LETMD1: variants seen among roughly 807,000 people sequenced by gnomAD.
LETMD1 encodes LETM1 domain containing 1, also known as LETM1 domain-containing protein 1.
In LETMD1, 30 loss-of-function variants were observed where a neutral mutation model predicts 43.9. The ratio of observed to expected loss-of-function variants is 0.68; its 90% confidence interval spans 0.51 to 0.93. LETMD1 has a LOEUF of 0.93. Among genes scored for constraint, LETMD1 ranks in the 40% least tolerant of loss-of-function variants. LETMD1 has a pLI of 0.00. For synonymous variants in LETMD1, 176 were observed against 163.1 expected (o/e 1.08, Z -0.60); for missense variants, 413 against 447.7 (o/e 0.92, Z 0.70).
chr12:51,048,437 G>A lies in LETMD1; in HGVS notation c.81G>A (p.Arg27=). 6.2e-7 allele frequency: 1 copy of A among 1,614,074 alleles called. No homozygotes were observed. The highest frequency in any genetic ancestry group is 8.5e-7 in the Non-Finnish European group (1 of 1,180,030). The change falls in exon 1 of 9, where the codon AGG becomes AGA. Residue 27 remains arginine, a synonymous_variant. Transcript: ENST00000262055. ...AVTPGHFVTR[R]LQLGRSGLAW... ...CCCCTGGACATTTTGTCACCCGGAG[G>A]CTGCAACTTGGTCGCTCTGGCCTGG... is the stretch of plus-strand genomic sequence containing the variant.
In LETMD1 at chr12:51,057,780, C is replaced by A. The variant is rs1299076617; in HGVS notation, c.916-252C>A. On this transcript the variant is annotated intron_variant, in intron 7 of 8. Transcript: ENST00000262055. The stretch of plus-strand genomic sequence containing the variant: ...AGCTGGGACTGCAGGTGCATGCCAC[C>A]ACGCCTGGCTAATTTTTGTATTTTT... 2.5e-5 allele frequency: 11 copies of A among 443,844 alleles called. 1 individual carries two copies. In the East Asian group the frequency reaches 5.3e-4, roughly 21 times the overall value. 27.5% of individuals were successfully genotyped at this position (443,844 alleles called of 1,614,324 possible).
chr12:51,056,414 T>C lies in LETMD1; in HGVS notation c.827T>C (p.Leu276Ser). 6.2e-7 allele frequency: 1 copy of C among 1,614,222 alleles called. No individual in the cohort carries two copies. Among genetic ancestry groups the C allele is most frequent in the Non-Finnish European group, 8.5e-7 (1 of 1,180,024 alleles). The change falls in exon 7 of 9, where the codon TTG becomes TCG. Residue 276 changes from leucine to serine, a missense_variant. By Grantham distance (145) the Leu-to-Ser change is moderately radical. Transcript: ENST00000262055. ...YLPPPLLRHR[L>S]KTHTTVIHQL... Reference sequence around the variant, plus strand: ...CCTCCTCCCTTGTTGAGACATCGTTTGAAGACTCATACAACTGTGATTCAC... The same window carrying C: ...CCTCCTCCCTTGTTGAGACATCGTTCGAAGACTCATACAACTGTGATTCAC...
downstream of LETMD1, chr12:51,064,720 A>T (rs747120797): frequency 7.0e-7 from 1 of 1,436,620 alleles, no homozygotes; most frequent in Non-Finnish European, 9.3e-7. Flanking sequence ...AATCCTAACA[A>T]TGGAGACAGG....
rs1948704597 is a variant in LETMD1 at position 51,059,952 on chromosome 12, G to GTT, written c.*522_*523dup. 1 of 153,412 alleles carries GTT rather than the reference G, an allele frequency of 6.5e-6. No individual in the cohort carries two copies. Among genetic ancestry groups the GTT allele is most frequent in the Non-Finnish European group, 1.5e-5 (1 of 68,878 alleles). 9.5% of individuals were successfully genotyped at this position (153,412 alleles called of 1,614,324 possible). ...CCTTTCTGATATGACCAAAAATCAA[G>GTT]TTGTTTTGTTTTTTGTCACCTTCAC... On this transcript the variant is annotated 3_prime_UTR_variant, in exon 9 of 9. Coordinates refer to ENST00000262055, the MANE Select transcript of LETMD1 (RefSeq NM_015416.5).
At chr12:51,066,536 G>A in the LETMD1 span, among the ~76,000 whole-genome samples, 6 of 151,928 alleles carry the variant, frequency 3.9e-5, no homozygotes, top group East Asian at 9.7e-4. Context: ...AGCTACTTGG[G>A]AGGCTGAGGC....
chr12:51,067,706 C>T, the LETMD1 span: 22 of 1,613,930 alleles, frequency 1.4e-5, no homozygotes, highest in Admixed American at 5.0e-5. The surrounding 1 kb of genome is among the most constrained non-coding windows in gnomAD (Gnocchi z 4.1). Context: ...TGCAGGCACA[C>T]GCTTCTGGGT....
chr12:51,067,837 G>A, the LETMD1 span: 6 of 1,614,212 alleles, frequency 3.7e-6, no homozygotes, highest in Non-Finnish European at 4.2e-6. The surrounding 1 kb of genome is among the most constrained non-coding windows in gnomAD (Gnocchi z 4.1). Context: ...GCCCGTCGCC[G>A]TTTGGTGGGC....
rs764512265 is a variant in LETMD1, at chr12:51,053,833, T to C, written c.446T>C (p.Phe149Ser). Residue 149 changes from phenylalanine (F) to serine (S), a missense_variant, in exon 4 of 9, where the codon TTT becomes TCT. Transcript: ENST00000262055. The part of the protein sequence containing the change: ...LFLGIISIPP[F>S]ANYLVFLLMY... ...CTAGGTATTATTTCCATTCCACCTT[T>C]TGCCAACTACCTGGTCTTCTTGCTA... 1.2e-5 allele frequency: 20 copies of C among 1,613,108 alleles called. No individual in the cohort carries two copies. The highest frequency in any genetic ancestry group is 1.6e-5 in the Non-Finnish European group (19 of 1,179,294).
intron 2 of LETMD1, 114 bp downstream of exon 2, chr12:51,049,299 T>A (rs1411393499): frequency 1.1e-6 from 1 of 876,766 alleles, no homozygotes; most frequent in Non-Finnish European, 1.7e-6. Flanking sequence ...CCGAGATATC[T>A]TATATTTCAT....
intron 2 of LETMD1, among the ~76,000 whole-genome samples, chr12:51,051,434 G>A (rs541541263): frequency 8.7e-5 from 13 of 149,464 alleles, no homozygotes; most frequent in African/African-American, 2.0e-4. Flanking sequence ...CAGGCCGGGC[G>A]CAGTGACTCA....
chr12:51,048,334 C>T lies in LETMD1; in HGVS notation c.-23C>T, dbSNP rs372283718. 39 of 1,614,056 alleles carry T rather than the reference C, an allele frequency of 2.4e-5. No individual in the cohort carries two copies. In the African/African-American group the frequency reaches 3.5e-4, roughly 14 times the overall value. Reference sequence around the variant, plus strand: ...CTTTGACCCAAAGACAACCTCTTCTCTCCCGCTTCTCTCGCTGTGAAGATG... The same window carrying T: ...CTTTGACCCAAAGACAACCTCTTCTTTCCCGCTTCTCTCGCTGTGAAGATG... On this transcript the variant is annotated 5_prime_UTR_variant, in exon 1 of 9. Coordinates refer to ENST00000262055, the MANE Select transcript of LETMD1 (RefSeq NM_015416.5).
intron 8 of LETMD1, chr12:51,058,731 C>T (rs1948441007): frequency 6.3e-6 from 1 of 158,340 alleles, no homozygotes; most frequent in African/African-American, 2.4e-5. Context: ...CTATCCTGTT[C>T]TTTATAGGTA....
downstream of LETMD1, among the ~76,000 whole-genome samples, chr12:51,060,982 A>C (rs1466734888): frequency 6.6e-6 from 1 of 151,984 alleles, no homozygotes; most frequent in Non-Finnish European, 1.5e-5. Flanking sequence ...CCAACAGAGC[A>C]GGAGCAAGGC....
intron 4 of LETMD1, among the ~76,000 whole-genome samples, chr12:51,055,057 G>A (rs1403442733): frequency 1.3e-5 from 2 of 151,896 alleles, no homozygotes; most frequent in African/African-American, 4.8e-5. Flanking sequence ...CCGAGATCGC[G>A]CCACTGCAGT....
chr12:51,055,823 T>G lies in LETMD1; in HGVS notation c.474-12T>G. The G allele has an allele frequency of 6.3e-7, 1 of 1,576,854 alleles. No homozygotes were observed. ...TTTCAGCAAGTGAGTTTGTGATTCTTTCTCCTTTCAGGTACCTGTTTCCCA... is the reference window on the plus strand; with the variant it reads ...TTTCAGCAAGTGAGTTTGTGATTCTGTCTCCTTTCAGGTACCTGTTTCCCA... On this transcript the variant is annotated splice_polypyrimidine_tract_variant and intron_variant, in intron 4 of 8. Coordinates refer to ENST00000262055, the MANE Select transcript of LETMD1 (RefSeq NM_015416.5).
At chr12:51,054,655 A>G (rs1947115386) in intron 4 of LETMD1, among the ~76,000 whole-genome samples, 1 of 152,210 alleles carries the variant, frequency 6.6e-6, no homozygotes. Flanking sequence ...CTTGAAGGTC[A>G]CATAGAGTCA....
intron 4 of LETMD1, 141 bp from the exon 5 acceptor site, chr12:51,055,693 GA>G: frequency 3.9e-6 from 1 of 257,726 alleles, no homozygotes; most frequent in South Asian, 9.1e-5. Flanking sequence ...AAAAAAAACT[GA>G]AAAAGAAAAA....
downstream of LETMD1, chr12:51,064,378 C>T: frequency 1.2e-6 from 2 of 1,614,212 alleles, no homozygotes; most frequent in Non-Finnish European, 1.7e-6. Context: ...TTGAGCCGCT[C>T]CAGTTCCTCT....
chr12:51,052,848 A>G (rs904042640), intron 3 of LETMD1, among the ~76,000 whole-genome samples: 1 of 151,974 alleles, frequency 6.6e-6, no homozygotes, highest in African/African-American at 2.4e-5. Context: ...GCTCTCGCCT[A>G]TAATCTCAGC....
Sources: gnomAD v4.1 joint callset for allele counts (sites outside exome capture counted in the v4.1 genomes callset) on GRCh38, gnomAD v4.1.1 for gene constraint, Gnocchi (gnomAD v3.1) non-coding constraint, MANE v1.5 for transcripts, NCBI Gene and HGNC (gene_info 2026-07-23, HGNC 2026-07-21) for gene names.